Variants in CLEC12A observed in about 807,000 individuals in gnomAD.
The protein encoded by CLEC12A is C-type lectin protein CLL-1.
Under a neutral mutation model 26.5 loss-of-function variants are expected in CLEC12A, and 22 were observed. That is an observed-to-expected ratio of 0.83 (90% CI 0.59 to 1.19). The LOEUF (loss-of-function observed/expected upper bound fraction) is 1.19, where lower values mean the gene tolerates loss of function less well. CLEC12A is among the 50% of genes most tolerant of loss of function. The pLI is 0.00. For missense variants in CLEC12A, 353 were observed against 315.6 expected, an observed-to-expected ratio of 1.12 and a Z score of -0.90; for synonymous variants, 119 against 101.9, an observed-to-expected ratio of 1.17 and a Z score of -1.01.
At chr12:9,967,637 A>T (rs973160192), upstream of CLEC12A, among the ~76,000 whole-genome samples, 2 of 151,974 alleles carry the variant, frequency 1.3e-5, no homozygotes, top group Non-Finnish European at 2.9e-5. Flanking sequence ...GCCCCCAAGA[A>T]GAGCGGTACT....
chr12:9,976,703 G>C (rs1160455827), intron 1 of CLEC12A, among the ~76,000 whole-genome samples: 1 of 152,176 alleles, frequency 6.6e-6, no homozygotes, highest in African/African-American at 2.4e-5. Flanking sequence ...AGATTTGGGA[G>C]AGGTCAGGGT....
exon 5 of CLEC12A, chr12:9,995,478 C>G: frequency 2.2e-6 from 1 of 455,894 alleles, no homozygotes; most frequent in Admixed American, 3.2e-5. Flanking sequence ...ATATTCTAAT[C>G]TTCTTTTGTG....
rs71049020 is a variant in CLEC12A at position 9,952,116 on chromosome 12, GCTCTCCCTCTCC to G, written c.10+779_10+790del. On this transcript the variant is annotated intron_variant, in intron 1 of 6. Coordinates refer to the CLEC12A transcript ENST00000355690. ...AAAAAAAAAAAAACAGGATGTGAGC[GCTCTCCCTCTCC>G]CTCTCCCTCTCCCTCTCCGTCTCCC... The G allele has an allele frequency of 3.6e-3, 346 of 97,338 alleles. 12 individuals carry two copies. Among genetic ancestry groups the G allele is most frequent in the African/African-American group, 0.014 (336 of 24,378 alleles). The allele number at this position is 97,338 out of a possible 1,614,324, so 6.0% of individuals were successfully genotyped here.
intron 1 of CLEC12A, among the ~76,000 whole-genome samples, chr12:9,955,721 T>C (rs761516864): frequency 9.2e-5 from 14 of 152,192 alleles, no homozygotes; most frequent in Non-Finnish European, 1.5e-4. Flanking sequence ...GACATAGAAA[T>C]TATTTTGATA....
chr12:9,982,184 C>A, intron 5 of CLEC12A, 55 bp downstream of exon 5: 1 of 903,144 alleles, frequency 1.1e-6, no homozygotes, highest in Non-Finnish European at 1.8e-6. Context: ...GAGGTATTTT[C>A]CTTAGGAGCA....
Position 9,985,002 on chromosome 12 carries a change from T to C in CLEC12A, c.774T>C (p.Gly258=). Residue 258 remains glycine, a synonymous_variant, in exon 6 of 6, where the codon GGT becomes GGC. Transcript: ENST00000304361. ...CEKMANPVQL[G]STYFREA is the part of the protein sequence containing the mutation. The stretch of plus-strand genomic sequence containing the variant: ...AGATGGCCAATCCAGTGCAGCTTGG[T>C]TCTACATATTTTAGGGAGGCATGAG... The C allele has an allele frequency of 6.5e-7, 1 of 1,531,612 alleles. No homozygotes were observed. The highest frequency in any genetic ancestry group is 8.8e-7 in the Non-Finnish European group (1 of 1,138,534). The allele number at this position is 1,531,612 out of a possible 1,614,324, so 94.9% of individuals were successfully genotyped here. A position where few individuals can be genotyped will look rare whatever the true frequency, so the allele number is the denominator to read the frequency against.
rs956845630 is a variant in CLEC12A, at chr12:9,979,623, G to T, written c.379+99G>T. On this transcript the variant is annotated intron_variant, in intron 3 of 5. Coordinates refer to ENST00000304361, the MANE Select transcript of CLEC12A (RefSeq NM_138337.6). ...TAATTAGCTAGCAGCCTTTCTCTAG[G>T]GAGTCATAATTTGGGGGAAAGAATT... 3.5e-6 allele frequency: 3 copies of T among 867,700 alleles called. No individual in the cohort carries two copies. In the African/African-American group the frequency reaches 5.2e-5, roughly 15 times the overall value. 53.8% of individuals were successfully genotyped at this position (867,700 alleles called of 1,614,324 possible).
At position 9,984,973 on chromosome 12, in the gene CLEC12A, G is replaced by A. The variant is rs1330705138; in HGVS notation, c.745G>A (p.Glu249Lys). ...CACTTATAAAAAAAGAATGATATGT[G>A]AGAAGATGGCCAATCCAGTGCAGCT... is the stretch of plus-strand genomic sequence containing the variant. ...HCTYKKRMICEKMANPVQLGS... is the reference protein window; with the variant it reads ...HCTYKKRMICKKMANPVQLGS... The change falls in exon 6 of 6, where the codon GAG (glutamate) becomes AAG (lysine). Residue 249 changes from glutamate (E) to lysine (K), a missense_variant. Glu to Lys is a moderately conservative substitution (Grantham distance 56). Transcript: ENST00000304361. The A allele has an allele frequency of 1.3e-6, 2 of 1,555,682 alleles. No homozygotes were observed. Among genetic ancestry groups the A allele is most frequent in the South Asian group, 1.2e-5 (1 of 84,350 alleles).
chr12:9,996,769 A>C (rs1419605552), downstream of CLEC12A: 1 of 1,512,392 alleles, frequency 6.6e-7, no homozygotes, highest in Non-Finnish European at 9.2e-7. Flanking sequence ...AAATGTAAAA[A>C]ACAAAAAAAG....
chr12:9,953,132 G>GC (rs1863662221), intron 1 of CLEC12A: 1 of 108,158 alleles, frequency 9.2e-6, no homozygotes, highest in Non-Finnish European at 2.0e-5. Context: ...CGGGAGGGAG[G>GC]TGGGGGGTCA....
chr12:10,004,940 G>T, the CLEC12A span, among the ~76,000 whole-genome samples: 2 of 147,268 alleles, frequency 1.4e-5, no homozygotes, highest in Non-Finnish European at 3.0e-5. Flanking sequence ...GACAGGCCCC[G>T]GTGTGTGGTA....
rs1261447484 is a variant in CLEC12A at position 9,971,685 on chromosome 12, A to G, written c.89A>G (p.Lys30Arg). 1 of 1,608,832 alleles carries G rather than the reference A, an allele frequency of 6.2e-7. No individual in the cohort carries two copies. The highest frequency in any genetic ancestry group is 8.5e-7 in the Non-Finnish European group (1 of 1,177,576). ...KIPEIGKFGE[K>R]APPAPSHVWR... is the part of the protein sequence containing the mutation. ...CCAGAAATTGGCAAATTTGGGGAAAAAGGTAAGATTTTGAGTTATGGATGT... is the reference window on the plus strand; with the variant it reads ...CCAGAAATTGGCAAATTTGGGGAAAGAGGTAAGATTTTGAGTTATGGATGT... The change falls in exon 1 of 6, where the codon AAA (lysine) becomes AGA (arginine). Residue 30 changes from lysine (K) to arginine (R), a missense_variant and splice_region_variant. By Grantham distance (26) the Lys-to-Arg change is conservative. Transcript: ENST00000304361.
chr12:9,985,156 C>A lies in CLEC12A; in HGVS notation c.*130C>A. 9.6e-7 allele frequency: 1 copy of A among 1,040,656 alleles called. No individual in the cohort carries two copies. Among genetic ancestry groups the A allele is most frequent in the Non-Finnish European group, 1.3e-6 (1 of 783,056 alleles). The allele number at this position is 1,040,656 out of a possible 1,614,324, so 64.5% of individuals were successfully genotyped here. On this transcript the variant is annotated 3_prime_UTR_variant, in exon 6 of 6. Coordinates refer to ENST00000304361, the MANE Select transcript of CLEC12A (RefSeq NM_138337.6). Reference sequence around the variant, plus strand: ...CTGGGATTTTATCATGCAGATGAAACATCCAGGTAGCAAGCTTCAGAGAGA... The same window carrying A: ...CTGGGATTTTATCATGCAGATGAAAAATCCAGGTAGCAAGCTTCAGAGAGA...
the CLEC12A span, among the ~76,000 whole-genome samples, chr12:10,001,693 G>A: frequency 2.0e-5 from 3 of 152,166 alleles, no homozygotes; most frequent in African/African-American, 7.2e-5. Flanking sequence ...GCAGGAAAGA[G>A]AGATAGATAT....
exon 5 of CLEC12A, chr12:9,995,588 A>G (rs1220292520): frequency 2.9e-6 from 1 of 343,956 alleles, no homozygotes; most frequent in Non-Finnish European, 5.6e-6. Flanking sequence ...GAGAAAGGAA[A>G]TACAAAGAAA....
At chr12:9,981,963 T>G (rs1864575111) in intron 4 of CLEC12A, 57 bp from the exon 5 acceptor site, 1 of 836,684 alleles carries the variant, frequency 1.2e-6, no homozygotes, top group South Asian at 1.6e-5. Context: ...TACATTATAA[T>G]GTAAAATACA....
At chr12:9,962,253 CTTTTTTT>C (rs71049021) in intron 1 of CLEC12A, among the ~76,000 whole-genome samples, 139 of 119,252 alleles carry the variant, frequency 1.2e-3, no homozygotes, top group African/African-American at 2.8e-3. Flanking sequence ...CCGGTTTTTT[CTTTTTTT>C]TTTTTTTTTT....
chr12:9,984,580 T>G (rs905046566), intron 5 of CLEC12A, among the ~76,000 whole-genome samples: 1 of 152,174 alleles, frequency 6.6e-6, no homozygotes, highest in Non-Finnish European at 1.5e-5. Context: ...TTCCAAATTA[T>G]ATTATATATG....
chr12:9,971,077 CT>C (rs903382995), upstream of CLEC12A, among the ~76,000 whole-genome samples: 1 of 152,068 alleles, frequency 6.6e-6, no homozygotes, highest in African/African-American at 2.4e-5. Flanking sequence ...GAAGAGAACC[CT>C]TCTATCAGGA....
Sources: gnomAD v4.1 joint callset for allele counts (sites outside exome capture counted in the v4.1 genomes callset) on GRCh38, gnomAD v4.1.1 for gene constraint, MANE v1.5 for transcripts, NCBI Gene and HGNC (gene_info 2026-07-23, HGNC 2026-07-21) for gene names.